RALGDS: variants seen among roughly 807,000 people sequenced by gnomAD.
RALGDS encodes ral guanine nucleotide dissociation stimulator, also known as ral guanine nucleotide exchange factor.
Under a neutral mutation model 99.8 loss-of-function variants are expected in RALGDS, and 44 were observed. That is an observed-to-expected ratio of 0.44 (90% CI 0.35 to 0.57). RALGDS has a LOEUF of 0.57. RALGDS is among the 20% of genes least tolerant of loss of function. The pLI is 0.01. For missense variants in RALGDS, 1,022 were observed against 1,203.1 expected, an observed-to-expected ratio of 0.85 and a Z score of 2.23; for synonymous variants, 529 against 505.0, an observed-to-expected ratio of 1.05 and a Z score of -0.64.
intron 1 of RALGDS, chr9:133,129,466 C>T (rs1317216726): frequency 7.2e-7 from 1 of 1,380,322 alleles, no homozygotes. Context: ...CTGTGACAGG[C>T]AGGACCAGGA....
In RALGDS at chr9:133,128,525, G is replaced by A. The variant is rs533614991; in HGVS notation, c.132+2427C>T. Among the ~76,000 whole-genome samples, 11 of 152,252 alleles carry A rather than the reference G, an allele frequency of 7.2e-5. No homozygotes were observed. The South Asian group carries it at 8.3e-4, about 11-fold the overall frequency. ...CTCCCCTCCTGGAGGGTGGTCAGCC[G>A]CCATCCTGGCCCCGGACTCCTTGGA... On this transcript the variant is annotated intron_variant, in intron 1 of 17. Transcript: ENST00000372062.
Position 133,112,101 on chromosome 9 carries a change from T to C in RALGDS, c.235A>G (p.Ile79Val), listed in dbSNP as rs1046533724. The C allele has an allele frequency of 3.8e-6, 6 of 1,585,380 alleles. No individual in the cohort carries two copies. The highest frequency in any genetic ancestry group is 1.3e-5 in the African/African-American group (1 of 74,186). The change falls in exon 2 of 18, where the codon ATC becomes GTC. Residue 79 changes from isoleucine (I) to valine (V), a missense_variant. Physicochemically the swap from Ile to Val is conservative, Grantham distance 29. Transcript: ENST00000372050. Reference protein sequence around the residue: ...EELINGVIYSISLRKVQLHHG... With the variant: ...EELINGVIYSVSLRKVQLHHG... ...TGCAGCTGCACCTTGCGCAGGGAGATGGAGTAGATGACTCCGTTGATCAGC... is the reference window on the plus strand; with the variant it reads ...TGCAGCTGCACCTTGCGCAGGGAGACGGAGTAGATGACTCCGTTGATCAGC...
intron 1 of RALGDS, 79 bp downstream of exon 1, chr9:133,120,893 C>T (rs1831897604): frequency 1.5e-6 from 2 of 1,360,290 alleles, no homozygotes; most frequent in Non-Finnish European, 1.9e-6. Context: ...CCGTCCGGGG[C>T]TCGCCCCGAC....
intron 1 of RALGDS, among the ~76,000 whole-genome samples, chr9:133,114,465 GAGAA>G (rs1397466200): frequency 2.6e-5 from 4 of 152,178 alleles, no homozygotes; most frequent in African/African-American, 9.7e-5. Context: ...TCACAGGACA[GAGAA>G]AGAAAGCAGC....
rs1276406447 is a variant in RALGDS at position 133,121,181 on chromosome 9, C to CCGGCCCGGCGCGCGGCGGGGGCGGCGGCG, written c.-56_-28dup. The CCGGCCCGGCGCGCGGCGGGGGCGGCGGCG allele has an allele frequency of 5.0e-3, 5,221 of 1,041,898 alleles. 38 individuals are homozygous for CCGGCCCGGCGCGCGGCGGGGGCGGCGGCG. The highest frequency in any genetic ancestry group is 5.6e-3 in the Non-Finnish European group (4,851 of 868,446). The allele number at this position is 1,041,898 out of a possible 1,614,324, so 64.5% of individuals were successfully genotyped here. ...GAAGGCTCGCAGCGCGGGCGCGGGG[C>CCGGCCCGGCGCGCGGCGGGGGCGGCGGCG]CGGCCCGGCGCGCGGCGGGGGCGGC... is the stretch of plus-strand genomic sequence containing the variant. On this transcript the variant is annotated 5_prime_UTR_variant, in exon 1 of 18. Coordinates refer to ENST00000372050, the MANE Select transcript of RALGDS (RefSeq NM_006266.4).
intron 1 of RALGDS, chr9:133,130,823 G>T: frequency 2.3e-6 from 2 of 871,862 alleles, no homozygotes; most frequent in Non-Finnish European, 3.5e-6. Flanking sequence ...TGTCTGTCCA[G>T]CTGCTCTGCA....
At chr9:133,119,938 G>A (rs1336607357) in intron 1 of RALGDS, among the ~76,000 whole-genome samples, 1 of 152,182 alleles carries the variant, frequency 6.6e-6, no homozygotes, top group Non-Finnish European at 1.5e-5. Context: ...ACGCGCCACA[G>A]TCTAAAGCCA....
At position 133,110,194 on chromosome 9, in the gene RALGDS, C is replaced by T. The variant is rs534687432; in HGVS notation, c.488+102G>A. 132 of 1,223,574 alleles carry T rather than the reference C, an allele frequency of 1.1e-4. No individual in the cohort carries two copies. The African/African-American group carries it at 1.7e-3, about 15-fold the overall frequency. The allele number at this position is 1,223,574 out of a possible 1,614,324, so 75.8% of individuals were successfully genotyped here. The stretch of plus-strand genomic sequence containing the variant: ...CAGTTTCTCTTTCATATGAGCAAAG[C>T]GAGGCTCAGAGAGGTGAATCAGCAT... On this transcript the variant is annotated intron_variant, in intron 3 of 17. Transcript: ENST00000372050.
Position 133,106,835 on chromosome 9 carries a change from CTAA to C in RALGDS, c.1414-90_1414-88del, listed in dbSNP as rs999509037. On this transcript the variant is annotated intron_variant, in intron 7 of 17. Transcript: ENST00000372050. ...GTCCCCCTTGGCCAAGCCTCCCCTC[CTAA>C]TGAGACAGACACCCAGGGAGTCCCC... 14 of 1,094,344 alleles carry C rather than the reference CTAA, an allele frequency of 1.3e-5. No homozygotes were observed. The African/African-American group carries it at 1.7e-4, about 13-fold the overall frequency. The allele number at this position is 1,094,344 out of a possible 1,614,324, so 67.8% of individuals were successfully genotyped here. A position where few individuals can be genotyped will look rare whatever the true frequency, so the allele number is the denominator to read the frequency against.
intron 6 of RALGDS, among the ~76,000 whole-genome samples, 158 bp from the exon 7 acceptor site, chr9:133,107,458 G>A (rs1288058089): frequency 2.0e-5 from 3 of 152,236 alleles, no homozygotes; most frequent in Non-Finnish European, 4.4e-5. Context: ...CAGAACGCTG[G>A]TGGGAAGAAG....
chr9:133,106,068 T>C, intron 8 of RALGDS, 52 bp from the exon 9 acceptor site: 1 of 1,409,716 alleles, frequency 7.1e-7, no homozygotes, highest in Non-Finnish European at 1.0e-6. Flanking sequence ...TAGGGAGGGG[T>C]GTGAGTGCAA....
upstream of RALGDS, among the ~76,000 whole-genome samples, chr9:133,122,809 A>G (rs1831995803): frequency 1.3e-5 from 2 of 151,874 alleles, no homozygotes; most frequent in African/African-American, 4.8e-5. Flanking sequence ...GGGTCAAGTG[A>G]TTTTCCTGCC....
Position 133,102,014 on chromosome 9 carries a change from G to T in RALGDS, c.2135C>A (p.Ala712Asp). The T allele has an allele frequency of 6.4e-7, 1 of 1,553,072 alleles. No homozygotes were observed. Among genetic ancestry groups the T allele is most frequent in the East Asian group, 2.4e-5 (1 of 41,078 alleles). Residue 712 changes from alanine (A) to aspartate (D), a missense_variant, in exon 15 of 18, where the codon GCC (alanine) becomes GAC (aspartate). Ala to Asp is a moderately radical substitution (Grantham distance 126). Coordinates refer to ENST00000372050, the MANE Select transcript of RALGDS (RefSeq NM_006266.4). ...DIADALSVHS[A>D]GSSSSDVEEI... ...CTCCACGTCGGAGCTAGAGGAGCCG[G>T]CCGAGTGCACGCTGAGCGCGTCAGC...
At chr9:133,100,084 C>G in intron 17 of RALGDS, 184 bp downstream of exon 17, 2 of 692,198 alleles carry the variant, frequency 2.9e-6, no homozygotes, top group Admixed American at 2.1e-5. Context: ...AGGGCACACA[C>G]TGGGGAGGTC....
intron 1 of RALGDS, among the ~76,000 whole-genome samples, chr9:133,114,377 G>A (rs1831492465): frequency 6.6e-6 from 1 of 152,198 alleles, no homozygotes; most frequent in African/African-American, 2.4e-5. Context: ...CTCAGATGGT[G>A]GAGGTGCAGG....
chr9:133,146,655 C>T (rs1270936809), intron 1 of RALGDS, among the ~76,000 whole-genome samples: 2 of 152,206 alleles, frequency 1.3e-5, no homozygotes, highest in Non-Finnish European at 2.9e-5. Context: ...ACCAACAGAA[C>T]ACAGCACAGG....
At chr9:133,141,025 C>T (rs1324567819) in intron 1 of RALGDS, among the ~76,000 whole-genome samples, 6 of 152,290 alleles carry the variant, frequency 3.9e-5, no homozygotes, top group East Asian at 1.9e-4. Flanking sequence ...TACCCAACTC[C>T]GGAGGTGGGC....
At position 133,129,680 on chromosome 9, in the gene RALGDS, C is replaced by A. The variant is rs192976280; in HGVS notation, c.132+1272G>T. ...GGGTTCGGTCAGCAGAGCCACCAGGCGGATGTGAGTCTAGCCAGAGGCACT... is the reference window on the plus strand; with the variant it reads ...GGGTTCGGTCAGCAGAGCCACCAGGAGGATGTGAGTCTAGCCAGAGGCACT... On this transcript the variant is annotated intron_variant, in intron 1 of 17. Transcript: ENST00000372062. Among the ~76,000 whole-genome samples the A allele has an allele frequency of 3.3e-5, 5 of 152,242 alleles. No homozygotes were observed. In the East Asian group the frequency reaches 7.7e-4, roughly 24 times the overall value.
intron 16 of RALGDS, chr9:133,101,099 G>C (rs1830733661): frequency 1.8e-6 from 2 of 1,121,216 alleles, no homozygotes; most frequent in Non-Finnish European, 2.2e-6. Flanking sequence ...CCCCTTCCAG[G>C]GCTCCCAGCC....
Sources: allele counts gnomAD v4.1 joint callset (sites outside exome capture counted in the v4.1 genomes callset), GRCh38; gene constraint gnomAD v4.1.1; transcripts MANE v1.5; gene names NCBI Gene and HGNC (gene_info 2026-07-23, HGNC 2026-07-21).